RXRA: variants seen among roughly 807,000 people sequenced by gnomAD.
RXRA encodes the protein retinoic acid receptor RXR-alpha.
In RXRA, 5 loss-of-function variants were observed where a neutral mutation model predicts 44.5. The observed-to-expected ratio is 0.11, with a 90% CI of 0.06 to 0.24. The LOEUF is 0.24. Among genes scored for constraint, RXRA ranks in the 10% least tolerant of loss-of-function variants. RXRA has a pLI of 1.00. For synonymous variants in RXRA, 291 were observed against 271.4 expected (o/e 1.07, Z -0.71); for missense variants, 412 against 646.5 (o/e 0.64, Z 3.93).
At chr9:134,414,724 GCC>G (rs1035479682) in intron 4 of RXRA, among the ~76,000 whole-genome samples, 3 of 152,234 alleles carry the variant, frequency 2.0e-5, no homozygotes, top group Non-Finnish European at 4.4e-5. Flanking sequence ...TTAGAATTCT[GCC>G]CTTGCTGCCC....
intron 4 of RXRA, among the ~76,000 whole-genome samples, chr9:134,412,476 A>G (rs35589250): frequency 0.12 from 17,693 of 152,212 alleles, 3,368 homozygotes; most frequent in African/African-American, 0.4. Flanking sequence ...CCCCCGGCAA[A>G]GGCCCACTCT....
intron 1 of RXRA, chr9:134,401,371 C>T (rs1238599762): frequency 4.0e-5 from 21 of 528,460 alleles, no homozygotes; most frequent in Admixed American, 7.0e-5. Flanking sequence ...TCATTCACAG[C>T]GGGTTCTTCC....
intron 4 of RXRA, among the ~76,000 whole-genome samples, chr9:134,410,008 A>G (rs1005031728): frequency 3.9e-5 from 6 of 152,134 alleles, no homozygotes; most frequent in South Asian, 2.1e-4. Flanking sequence ...GGGGTCCCCA[A>G]ACAGGACCCA....
chr9:134,346,229 C>T (rs561493468), intron 1 of RXRA, among the ~76,000 whole-genome samples: 3 of 152,284 alleles, frequency 2.0e-5, no homozygotes, highest in South Asian at 2.1e-4. Context: ...AGTCCCAGCC[C>T]GGGACCTGGC....
rs565444631 is a variant in RXRA at position 134,423,531 on chromosome 9, G to A, written c.910+1726G>A. The A allele has an allele frequency of 1.2e-5, 12 of 985,434 alleles. No individual in the cohort carries two copies. In the East Asian group the frequency reaches 3.4e-4, roughly 28 times the overall value. 61.0% of individuals were successfully genotyped at this position (985,434 alleles called of 1,614,324 possible). On this transcript the variant is annotated intron_variant, in intron 6 of 9. Coordinates refer to ENST00000481739, the MANE Select transcript of RXRA (RefSeq NM_002957.6). ...GGCTGTGTGTATAGGGCCTGGCGCCGTCGCCACCCTCCTGGAAGGACTCTT... is the reference window on the plus strand; with the variant it reads ...GGCTGTGTGTATAGGGCCTGGCGCCATCGCCACCCTCCTGGAAGGACTCTT...
rs951563567 is a variant in RXRA, at chr9:134,407,713, G to A, written c.280-436G>A. Among the ~76,000 whole-genome samples the A allele has an allele frequency of 1.2e-4, 19 of 152,090 alleles. No homozygotes were observed. The highest frequency in any genetic ancestry group is 4.3e-4 in the African/African-American group (18 of 41,420). On this transcript the variant is annotated intron_variant, in intron 2 of 9. Transcript: ENST00000481739. The surrounding 1 kb of genome is among the most constrained non-coding windows in gnomAD (Gnocchi z 4.8). ...TCCTCCGTCCTGGGAACTGGGCTTC[G>A]GCGTCCTCATGTGTGGGTTGGGACC...
At chr9:134,371,224 TTGC>T (rs955845887) in intron 1 of RXRA, among the ~76,000 whole-genome samples, 6 of 152,154 alleles carry the variant, frequency 3.9e-5, no homozygotes, top group African/African-American at 1.4e-4. Flanking sequence ...AGTGGGGTCC[TTGC>T]TGCCTGCCTT....
rs916364325 is a variant in RXRA at position 134,417,511 on chromosome 9, G to A, written c.780+184G>A. 6.6e-6 allele frequency among the ~76,000 whole-genome samples: 1 copy of A among 152,070 alleles called. No homozygotes were observed. Among genetic ancestry groups the A allele is most frequent in the Non-Finnish European group, 1.5e-5 (1 of 67,988 alleles). On this transcript the variant is annotated intron_variant, in intron 5 of 9. Transcript: ENST00000481739. The surrounding 1 kb of genome is among the most constrained non-coding windows in gnomAD (Gnocchi z 6.1). ...GTGGGCCCCTCGCCCCAGCTGGGCGGCACTCTCCTCTCCTGGCCCATGCAC... is the reference window on the plus strand; with the variant it reads ...GTGGGCCCCTCGCCCCAGCTGGGCGACACTCTCCTCTCCTGGCCCATGCAC...
chr9:134,377,672 G>A (rs1430844940), intron 1 of RXRA, among the ~76,000 whole-genome samples: 1 of 152,228 alleles, frequency 6.6e-6, no homozygotes, highest in African/African-American at 2.4e-5. Flanking sequence ...TTGGATGTGG[G>A]GGTCAGGGAG....
At position 134,426,644 on chromosome 9, in the gene RXRA, G is replaced by A. The variant is rs923077455; in HGVS notation, c.911-2464G>A. ...AGGCCCCTCTGCTGGGCACACCAGA[G>A]TTTCAGAGGCGAGTCTACCCTGGTG... On this transcript the variant is annotated intron_variant, in intron 6 of 9. Transcript: ENST00000481739. This position sits in a 1 kb window ranked among gnomAD's most constrained non-coding sequence, Gnocchi z 4.6. 3.0e-6 allele frequency: 3 copies of A among 985,326 alleles called. No homozygotes were observed. In the Admixed American group the frequency reaches 1.8e-4, roughly 61 times the overall value. 61.0% of individuals were successfully genotyped at this position (985,326 alleles called of 1,614,324 possible).
intron 1 of RXRA, among the ~76,000 whole-genome samples, chr9:134,362,943 C>T (rs1004481213): frequency 1.1e-4 from 16 of 152,370 alleles, no homozygotes; most frequent in South Asian, 8.3e-4. Flanking sequence ...GCAGCCACCT[C>T]GGCTCCATTT....
chr9:134,379,215 C>T (rs1830602858), intron 1 of RXRA: 9 of 960,692 alleles, frequency 9.4e-6, no homozygotes, highest in Non-Finnish European at 1.1e-5. Context: ...CCGTGCTTAA[C>T]TGGGCCTTTC....
At chr9:134,370,431 C>G (rs1430997010) in intron 1 of RXRA, among the ~76,000 whole-genome samples, 3 of 152,218 alleles carry the variant, frequency 2.0e-5, no homozygotes, top group African/African-American at 7.2e-5. Context: ...CCTCGGGACC[C>G]CACATTACTT....
chr9:134,353,823 C>A (rs1830250655), intron 1 of RXRA, among the ~76,000 whole-genome samples: 1 of 152,238 alleles, frequency 6.6e-6, no homozygotes, highest in Non-Finnish European at 1.5e-5. Context: ...TGACTTCAGG[C>A]TGAGAATCTG....
At chr9:134,380,095 A>T (rs554672921) in intron 1 of RXRA, 1 of 985,452 alleles carries the variant, frequency 1.0e-6, no homozygotes, top group African/African-American at 1.7e-5. Flanking sequence ...TGTCGTGGTC[A>T]GTCGTGCCGC....
intron 1 of RXRA, chr9:134,380,136 A>G (rs1216240806): frequency 1.0e-6 from 1 of 985,288 alleles, no homozygotes; most frequent in Non-Finnish European, 1.2e-6. Context: ...TGGCACTGCC[A>G]CCGTCCACCA....
At position 134,331,495 on chromosome 9, in the gene RXRA, C is replaced by T. The variant is rs76104329; in HGVS notation, c.28+4836C>T. On this transcript the variant is annotated intron_variant, in intron 1 of 9. Transcript: ENST00000481739. ...TGTTGGCCGCTGGCCCGTGTCCTGGCGTGCCCGTGAGTGAGCCAGGCCTCA... is the reference window on the plus strand; with the variant it reads ...TGTTGGCCGCTGGCCCGTGTCCTGGTGTGCCCGTGAGTGAGCCAGGCCTCA... 3.0e-4 allele frequency among the ~76,000 whole-genome samples: 45 copies of T among 152,334 alleles called. No homozygotes were observed. The East Asian group carries it at 8.3e-3, about 28-fold the overall frequency.
intron 1 of RXRA, 28 bp from the exon 2 acceptor site, chr9:134,401,604 C>A: frequency 6.2e-7 from 1 of 1,612,200 alleles, no homozygotes; most frequent in Non-Finnish European, 8.5e-7. Context: ...CTGCACTGAC[C>A]ACTCTCCTGC....
intron 9 of RXRA, 81 bp from the exon 10 acceptor site, chr9:134,436,386 C>T (rs1831620987): frequency 2.1e-6 from 3 of 1,427,996 alleles, no homozygotes; most frequent in Non-Finnish European, 2.9e-6. Flanking sequence ...AGACACAGCC[C>T]CATCCCCAGG....
Sources: gnomAD v4.1 joint callset for allele counts (sites outside exome capture counted in the v4.1 genomes callset) on GRCh38, gnomAD v4.1.1 for gene constraint, Gnocchi (gnomAD v3.1) non-coding constraint, MANE v1.5 for transcripts, NCBI Gene and HGNC (gene_info 2026-07-23, HGNC 2026-07-21) for gene names.